Variants in ALK observed in about 807,000 individuals in gnomAD.
The protein encoded by ALK is ALK tyrosine kinase receptor.
Under a neutral mutation model 163.1 loss-of-function variants are expected in ALK, and 74 were observed. The observed-to-expected ratio is 0.45, with a 90% confidence interval of 0.38 to 0.55. ALK has a LOEUF of 0.55. Among genes scored for constraint, ALK ranks in the 20% least tolerant of loss-of-function variants. ALK has a pLI of 0.00. For synonymous variants in ALK, 960 were observed against 843.2 expected (o/e 1.14, Z -2.40); for missense variants, 2,063 against 2,105.3 (o/e 0.98, Z 0.39).
chr2:29,507,890 T>C lies in ALK; in HGVS notation c.1154+24025A>G, dbSNP rs903457319. 1.4e-4 allele frequency among the ~76,000 whole-genome samples: 22 copies of C among 152,200 alleles called. 1 individual carries two copies. Among genetic ancestry groups the C allele is most frequent in the Admixed American group, 1.4e-3 (22 of 15,288 alleles). On this transcript the variant is annotated intron_variant, in intron 4 of 28. Coordinates refer to ENST00000389048, the MANE Select transcript of ALK (RefSeq NM_004304.5). ...CACCTACTGATCATAATCAGTTATC[T>C]TGGCCCCCAGCGTGGCTCTGCCGGC... is the stretch of plus-strand genomic sequence containing the variant.
intron 1 of ALK, among the ~76,000 whole-genome samples, chr2:29,806,426 C>T (rs2148368488): frequency 6.6e-6 from 1 of 152,182 alleles, no homozygotes; most frequent in Middle Eastern, 3.4e-3. Flanking sequence ...GAACACCCCC[C>T]AAAATGAAAG....
intron 5 of ALK, among the ~76,000 whole-genome samples, chr2:29,379,984 C>A (rs918182492): frequency 1.3e-5 from 2 of 151,972 alleles, no homozygotes; most frequent in East Asian, 3.9e-4. Context: ...ACAGGCTGTA[C>A]AGGAAGCATG....
intron 3 of ALK, among the ~76,000 whole-genome samples, chr2:29,558,719 A>G (rs1010314031): frequency 6.6e-6 from 1 of 152,046 alleles, no homozygotes; most frequent in Non-Finnish European, 1.5e-5. Context: ...TCTAAAACTT[A>G]GTGCGTTATT....
chr2:29,712,754 C>T (rs1038086246), intron 2 of ALK, among the ~76,000 whole-genome samples: 2 of 152,094 alleles, frequency 1.3e-5, no homozygotes, highest in African/African-American at 4.8e-5. Flanking sequence ...TTTCTAAAAG[C>T]ACCAGCCCCT....
chr2:29,446,568 C>T (rs908822047), intron 4 of ALK, among the ~76,000 whole-genome samples: 8 of 152,154 alleles, frequency 5.3e-5, no homozygotes, highest in African/African-American at 1.4e-4. Flanking sequence ...TCTGGGTTGT[C>T]GGAGCTTCTT....
chr2:29,231,718 G>A (rs577236261), intron 15 of ALK, among the ~76,000 whole-genome samples: 3 of 152,294 alleles, frequency 2.0e-5, no homozygotes, highest in Admixed American at 6.5e-5. Flanking sequence ...AATACAAAAA[G>A]GAATTGCATT....
chr2:29,681,904 T>C (rs1247657521), intron 3 of ALK, among the ~76,000 whole-genome samples: 1 of 152,156 alleles, frequency 6.6e-6, no homozygotes, highest in Non-Finnish European at 1.5e-5. Flanking sequence ...TATTACTCTA[T>C]TTAATTATTT....
intron 3 of ALK, among the ~76,000 whole-genome samples, chr2:29,580,735 C>A (rs566261688): frequency 1.3e-5 from 2 of 152,216 alleles, no homozygotes; most frequent in African/African-American, 2.4e-5. Flanking sequence ...TTTGGTTCAG[C>A]TTGAACAAAA....
Position 29,251,282 on chromosome 2 carries a change from G to A in ALK, c.2042-15C>T, listed in dbSNP as rs2148197761. ...CAGCCAATGAACTGTGGCACAAGAGGAGAGGCAGTCACTCATGTGGCCAGG... is the reference window on the plus strand; with the variant it reads ...CAGCCAATGAACTGTGGCACAAGAGAAGAGGCAGTCACTCATGTGGCCAGG... On this transcript the variant is annotated splice_polypyrimidine_tract_variant and intron_variant, in intron 11 of 28. Coordinates refer to ENST00000389048, the MANE Select transcript of ALK (RefSeq NM_004304.5). 1 of 1,611,470 alleles carries A rather than the reference G, an allele frequency of 6.2e-7. No homozygotes were observed. Among genetic ancestry groups the A allele is most frequent in the Non-Finnish European group, 8.5e-7 (1 of 1,179,098 alleles).
chr2:29,460,317 G>T (rs986983832), intron 4 of ALK, among the ~76,000 whole-genome samples: 4 of 152,170 alleles, frequency 2.6e-5, no homozygotes, highest in Non-Finnish European at 2.9e-5. Context: ...TAGATACAAA[G>T]AATGCAATAC....
At chr2:29,449,476 G>T (rs943832564) in intron 4 of ALK, among the ~76,000 whole-genome samples, 3 of 152,184 alleles carry the variant, frequency 2.0e-5, no homozygotes, top group Admixed American at 6.5e-5. Flanking sequence ...CTTGCATGTT[G>T]GTGTCTGCCC....
chr2:29,542,081 C>T (rs1673427478), intron 3 of ALK, among the ~76,000 whole-genome samples: 1 of 152,166 alleles, frequency 6.6e-6, no homozygotes, highest in African/African-American at 2.4e-5. Flanking sequence ...TTTGTGTGCA[C>T]ATTAATAAAT....
intron 3 of ALK, among the ~76,000 whole-genome samples, chr2:29,637,123 A>C (rs568529585): frequency 1.3e-5 from 2 of 152,330 alleles, no homozygotes; most frequent in African/African-American, 4.8e-5. Context: ...GTTCACACAA[A>C]AATCTGTACA....
intron 1 of ALK, among the ~76,000 whole-genome samples, chr2:29,744,112 A>C (rs1680140374): frequency 6.6e-6 from 1 of 152,200 alleles, no homozygotes; most frequent in South Asian, 2.1e-4. Context: ...AGTTTCCTAC[A>C]TGACCTTGGG....
intron 4 of ALK, among the ~76,000 whole-genome samples, chr2:29,498,190 CT>C (rs904872386): frequency 1.3e-5 from 2 of 152,088 alleles, no homozygotes; most frequent in Admixed American, 6.6e-5. Context: ...GGCATTTTGA[CT>C]GTGGGTGATA....
At chr2:29,591,600 A>C (rs1183330315) in intron 3 of ALK, among the ~76,000 whole-genome samples, 1 of 152,196 alleles carries the variant, frequency 6.6e-6, no homozygotes. Context: ...GGAAATAAAC[A>C]TAGAGCTCTA....
At chr2:29,631,951 G>A (rs751633246) in intron 3 of ALK, among the ~76,000 whole-genome samples, 4 of 152,152 alleles carry the variant, frequency 2.6e-5, no homozygotes, top group African/African-American at 7.2e-5. Context: ...TGTATCATTC[G>A]ATCATTGTAA....
chr2:29,281,613 A>G (rs1004306024), intron 9 of ALK, among the ~76,000 whole-genome samples: 9 of 152,212 alleles, frequency 5.9e-5, no homozygotes, highest in Admixed American at 5.9e-4. Context: ...TTATTAAAAC[A>G]GACTTGGCTA....
intron 3 of ALK, among the ~76,000 whole-genome samples, chr2:29,534,965 G>A (rs904159032): frequency 2.6e-5 from 4 of 152,202 alleles, no homozygotes; most frequent in Admixed American, 6.5e-5. Flanking sequence ...GAACTCTATA[G>A]TTGAGAGCTA....
Sources: allele counts gnomAD v4.1 joint callset (sites outside exome capture counted in the v4.1 genomes callset), GRCh38; gene constraint gnomAD v4.1.1; transcripts MANE v1.5; gene names NCBI Gene and HGNC (gene_info 2026-07-23, HGNC 2026-07-21).